The following TBC1D30 variants were observed in gnomAD, a reference collection of about 807,000 sequenced individuals.
TBC1D30 encodes TBC1 domain family, member 30.
A neutral mutation model predicts 63.2 loss-of-function variants in TBC1D30; 31 were observed. The observed-to-expected ratio is 0.49, with a 90% CI of 0.37 to 0.66. The LOEUF (loss-of-function observed/expected upper bound fraction) is 0.66. TBC1D30 is among the 30% of genes least tolerant of loss of function. The pLI is 0.00. For missense variants in TBC1D30, 810 were observed against 953.6 expected (o/e 0.85, Z 1.98); for synonymous variants, 307 against 361.5 (o/e 0.85, Z 1.71).
chr12:64,823,192 T>C (rs1873994100), upstream of TBC1D30, among the ~76,000 whole-genome samples: 5 of 152,304 alleles, frequency 3.3e-5, no homozygotes, highest in South Asian at 1.0e-3. Context: ...ACTTATTTAT[T>C]TGCTTTATCC....
At chr12:64,839,389 A>G (rs569548620) in intron 7 of TBC1D30, among the ~76,000 whole-genome samples, 24 of 152,322 alleles carry the variant, frequency 1.6e-4, no homozygotes, top group African/African-American at 5.8e-4. Context: ...GATTTTGCTT[A>G]TATTCTTTAC....
intron 2 of TBC1D30, among the ~76,000 whole-genome samples, chr12:64,789,345 A>C (rs1015798032): frequency 1.3e-5 from 2 of 151,670 alleles, no homozygotes; most frequent in Non-Finnish European, 2.9e-5. Context: ...CACTATGCCC[A>C]GCTAATTTTT....
chr12:64,842,380 T>C (rs1266237298), intron 7 of TBC1D30, among the ~76,000 whole-genome samples: 4 of 152,060 alleles, frequency 2.6e-5, no homozygotes, highest in African/African-American at 9.7e-5. Context: ...AATAAATAAA[T>C]AAACAAACAA....
At chr12:64,808,465 T>C (rs1175100724) in intron 2 of TBC1D30, among the ~76,000 whole-genome samples, 6 of 152,148 alleles carry the variant, frequency 3.9e-5, no homozygotes, top group Non-Finnish European at 5.9e-5. Context: ...TGCTCAAAAA[T>C]GTTTGCCATA....
At chr12:64,774,606 C>A (rs565817274) in intron 1 of TBC1D30, among the ~76,000 whole-genome samples, 1 of 152,142 alleles carries the variant, frequency 6.6e-6, no homozygotes, top group Non-Finnish European at 1.5e-5. Context: ...AGAGGAAAAC[C>A]TATAAGCCAG....
intron 5 of TBC1D30, among the ~76,000 whole-genome samples, chr12:64,833,171 G>C (rs1227751021): frequency 6.6e-6 from 1 of 152,206 alleles, no homozygotes; most frequent in Non-Finnish European, 1.5e-5. Flanking sequence ...ATATGGAGGA[G>C]TTGGGCTGAG....
intron 11 of TBC1D30, among the ~76,000 whole-genome samples, chr12:64,871,361 T>G (rs1040134823): frequency 1.3e-5 from 2 of 152,232 alleles, no homozygotes; most frequent in Non-Finnish European, 2.9e-5. Flanking sequence ...ATTGCCAAGC[T>G]TTTTTCTTTT....
intron 1 of TBC1D30, chr12:64,768,317 C>T (rs1416473588): frequency 2.0e-5 from 3 of 151,896 alleles, no homozygotes; most frequent in South Asian, 2.1e-4. Context: ...AAGTTTCTTC[C>T]GACTTGCTTT....
chr12:64,759,599 A>T (rs530062473), exon 1 of TBC1D30: 48 of 372,656 alleles, frequency 1.3e-4, no homozygotes, highest in African/African-American at 9.6e-4. Flanking sequence ...AACCGGAGAA[A>T]AGGGCGGAGA....
chr12:64,779,970 A>G (rs537653050), upstream of TBC1D30, among the ~76,000 whole-genome samples: 11 of 152,204 alleles, frequency 7.2e-5, no homozygotes, highest in African/African-American at 2.4e-4. Context: ...TCCGAGTTCT[A>G]TTGAGGTCTA....
intron 1 of TBC1D30, among the ~76,000 whole-genome samples, chr12:64,772,007 C>T (rs546349567): frequency 6.6e-6 from 1 of 152,168 alleles, no homozygotes; most frequent in East Asian, 1.9e-4. Flanking sequence ...GTAATCCCAG[C>T]ACTTTGGGAG....
At chr12:64,859,507 A>G (rs1445903764) in intron 8 of TBC1D30, among the ~76,000 whole-genome samples, 2 of 152,236 alleles carry the variant, frequency 1.3e-5, no homozygotes, top group African/African-American at 4.8e-5. Flanking sequence ...CAAGTCTGAC[A>G]GCAGGAAGGC....
intron 6 of TBC1D30, among the ~76,000 whole-genome samples, chr12:64,836,974 C>G (rs1007426755): frequency 6.6e-6 from 1 of 152,128 alleles, no homozygotes; most frequent in Admixed American, 6.5e-5. Context: ...TAAGCTGGCA[C>G]CAAACCTGTA....
Position 64,827,829 on chromosome 12 carries a change from T to C in TBC1D30, c.155-6T>C. 6.5e-7 allele frequency: 1 copy of C among 1,527,742 alleles called. No homozygotes were observed. Among genetic ancestry groups the C allele is most frequent in the Non-Finnish European group, 8.8e-7 (1 of 1,141,200 alleles). The allele number at this position is 1,527,742 out of a possible 1,614,324, so 94.6% of individuals were successfully genotyped here. ...AATAACATCTATTTATGTATTTTTC[T>C]TTCAGGAGTTGATACCAAGTTGAAA... is the stretch of plus-strand genomic sequence containing the variant. On this transcript the variant is annotated splice_polypyrimidine_tract_variant and splice_region_variant and intron_variant, in intron 1 of 11. Coordinates refer to ENST00000539867, the MANE Select transcript of TBC1D30 (RefSeq NM_015279.2).
At chr12:64,818,414 AC>A in intron 2 of TBC1D30, 1 of 984,126 alleles carries the variant, frequency 1.0e-6, no homozygotes, top group Non-Finnish European at 1.2e-6. Context: ...TGTCCTTGTC[AC>A]TACTCACTCA....
chr12:64,786,396 A>C (rs567964275), intron 2 of TBC1D30, among the ~76,000 whole-genome samples: 1 of 152,092 alleles, frequency 6.6e-6, no homozygotes, highest in East Asian at 2.0e-4. Context: ...CAGTGGCGTA[A>C]TCTTGGCTGA....
intron 6 of TBC1D30, among the ~76,000 whole-genome samples, chr12:64,838,159 T>A (rs1875533513): frequency 1.3e-5 from 2 of 152,206 alleles, no homozygotes; most frequent in South Asian, 4.1e-4. Flanking sequence ...ATGTAATGTT[T>A]ATTCTCTATT....
chr12:64,765,832 C>A (rs375050819), intron 1 of TBC1D30, among the ~76,000 whole-genome samples: 559 of 116,612 alleles, frequency 4.8e-3, no homozygotes, highest in Middle Eastern at 9.0e-3. Flanking sequence ...CCCACCTCTA[C>A]AAAAAAAAAA....
chr12:64,774,894 A>G (rs1020960729), intron 1 of TBC1D30, among the ~76,000 whole-genome samples: 1 of 152,026 alleles, frequency 6.6e-6, no homozygotes, highest in Admixed American at 6.6e-5. Context: ...GGAGTTTGAG[A>G]CCAGTCTGGG....
Sources: allele counts gnomAD v4.1 joint callset (sites outside exome capture counted in the v4.1 genomes callset), GRCh38; gene constraint gnomAD v4.1.1; transcripts MANE v1.5; gene names NCBI Gene and HGNC (gene_info 2026-07-23, HGNC 2026-07-21).